IFNGR2: variants seen among roughly 807,000 people sequenced by gnomAD.
IFNGR2 encodes IFN-gamma receptor 2.
IFNGR2 carries 15 observed loss-of-function variants against 41.1 expected under a neutral mutation model. The ratio of observed to expected loss-of-function variants is 0.37; its 90% CI spans 0.24 to 0.56. The LOEUF is 0.56. IFNGR2 is among the 20% of genes least tolerant of loss of function. The probability of loss-of-function intolerance (pLI) is 0.81; values close to 1 mark genes in which losing one functional copy is unlikely to be tolerated. For missense variants in IFNGR2, 362 were observed against 415.7 expected (o/e 0.87, Z 1.12); for synonymous variants, 161 against 171.6 (o/e 0.94, Z 0.48).
chr21:33,436,722 A>G, intron 6 of IFNGR2, 106 bp from the exon 7 acceptor site: 2 of 952,474 alleles, frequency 2.1e-6, no homozygotes, highest in Non-Finnish European at 3.1e-6. Flanking sequence ...TCCATCTCAA[A>G]AAAAAAATAA....
At chr21:33,410,464 C>T (rs2083707606) in intron 1 of IFNGR2, among the ~76,000 whole-genome samples, 1 of 150,722 alleles carries the variant, frequency 6.6e-6, no homozygotes, top group Non-Finnish European at 1.5e-5. Flanking sequence ...TGCGGCCAGC[C>T]TACAACAATT....
chr21:33,403,420 G>T lies in IFNGR2; in HGVS notation c.-124G>T, dbSNP rs1487366591. On this transcript the variant is annotated 5_prime_UTR_variant, in exon 1 of 7. Coordinates refer to ENST00000290219, the MANE Select transcript of IFNGR2 (RefSeq NM_005534.4). ...CCACCGGGACGCCCCGCTGCTGCTCGGGAAGAGGCGGGCCCTGCGCGCCCT... is the reference window on the plus strand; with the variant it reads ...CCACCGGGACGCCCCGCTGCTGCTCTGGAAGAGGCGGGCCCTGCGCGCCCT... The T allele has an allele frequency of 1.2e-5, 5 of 420,900 alleles. No individual in the cohort carries two copies. The highest frequency in any genetic ancestry group is 9.6e-5 in the South Asian group (1 of 10,384). The allele number at this position is 420,900 out of a possible 1,614,324, so 26.1% of individuals were successfully genotyped here.
chr21:33,426,865 C>T lies in IFNGR2; in HGVS notation c.413-19C>T, dbSNP rs2083841451. On this transcript the variant is annotated intron_variant, in intron 3 of 6. Transcript: ENST00000290219. ...CATATGTGTATGTGTGTGGTTTTCT[C>T]TTTGTAATTCTTTTTCAGTGACTGT... is the stretch of plus-strand genomic sequence containing the variant. 6.2e-7 allele frequency: 1 copy of T among 1,609,894 alleles called. No homozygotes were observed. Among genetic ancestry groups the T allele is most frequent in the Non-Finnish European group, 8.5e-7 (1 of 1,177,148 alleles).
intron 6 of IFNGR2, among the ~76,000 whole-genome samples, chr21:33,435,356 C>T (rs375335692): frequency 1.2e-3 from 181 of 152,276 alleles, no homozygotes; most frequent in Middle Eastern, 3.4e-3. Context: ...CCCCCAGTCC[C>T]TCCTTCACTG....
chr21:33,418,142 C>T (rs1398071984), intron 2 of IFNGR2, among the ~76,000 whole-genome samples: 2 of 152,100 alleles, frequency 1.3e-5, no homozygotes, highest in South Asian at 2.1e-4. Context: ...CTGCAGCCTC[C>T]GCCTCGTGGG....
intron 6 of IFNGR2, 61 bp downstream of exon 6, chr21:33,432,932 C>T (rs896429967): frequency 3.6e-5 from 50 of 1,391,944 alleles, no homozygotes; most frequent in Middle Eastern, 4.7e-4. Context: ...GTTGCCCAGG[C>T]GGGAGTGTCA....
chr21:33,428,320 C>A (rs2083857861), intron 4 of IFNGR2, among the ~76,000 whole-genome samples: 1 of 151,828 alleles, frequency 6.6e-6, no homozygotes, highest in Non-Finnish European at 1.5e-5. Flanking sequence ...CTCCCCGGCT[C>A]AAGCAGTCCA....
intron 4 of IFNGR2, among the ~76,000 whole-genome samples, chr21:33,431,403 C>G (rs774669147): frequency 1.3e-5 from 2 of 152,060 alleles, no homozygotes; most frequent in Non-Finnish European, 2.9e-5. Context: ...AACCCTGTTT[C>G]TACTAAAAAT....
chr21:33,424,805 G>C (rs748033227), intron 3 of IFNGR2, among the ~76,000 whole-genome samples: 15 of 152,142 alleles, frequency 9.9e-5, no homozygotes, highest in Non-Finnish European at 7.4e-5. Flanking sequence ...GCAGTGGAGC[G>C]ATCTCAGTTC....
At chr21:33,419,838 C>T (rs1215765806) in intron 2 of IFNGR2, among the ~76,000 whole-genome samples, 4 of 152,124 alleles carry the variant, frequency 2.6e-5, no homozygotes, top group African/African-American at 9.7e-5. Context: ...GGCTGAGCCC[C>T]GGCAGTGGCA....
chr21:33,411,635 T>C, intron 1 of IFNGR2: 2 of 406,426 alleles, frequency 4.9e-6, no homozygotes, highest in Middle Eastern at 6.3e-4. Context: ...AGTGGCCTTA[T>C]ACCACCACAG....
In IFNGR2 at chr21:33,432,793, C is replaced by T; in HGVS notation, c.801C>T (p.Phe267=). The change falls in exon 6 of 7, where the codon TTC becomes TTT. Residue 267 remains phenylalanine (F), a synonymous_variant. Coordinates refer to ENST00000290219, the MANE Select transcript of IFNGR2 (RefSeq NM_005534.4). ...SLLSVLAGAC[F]FLVLKYRGLI... Reference sequence around the variant, plus strand: ...TGTCGGTGCTGGCAGGAGCCTGTTTCTTCCTGGTCCTGAAATATAGAGGCC... The same window carrying T: ...TGTCGGTGCTGGCAGGAGCCTGTTTTTTCCTGGTCCTGAAATATAGAGGCC... 1 of 1,613,870 alleles carries T rather than the reference C, an allele frequency of 6.2e-7. No homozygotes were observed. The highest frequency in any genetic ancestry group is 8.5e-7 in the Non-Finnish European group (1 of 1,179,844).
At chr21:33,411,356 T>G (rs2083714222) in intron 1 of IFNGR2, 11 of 449,152 alleles carry the variant, frequency 2.4e-5, no homozygotes, top group South Asian at 1.8e-4. Flanking sequence ...GGTGCTTCCT[T>G]TCTGAACTGA....
At chr21:33,403,363 G>T (rs1215991314), upstream of IFNGR2, 2 of 189,530 alleles carry the variant, frequency 1.1e-5, no homozygotes, top group East Asian at 1.7e-4. Context: ...CGGGGCGGGG[G>T]CGGGGGCGCG....
chr21:33,422,316 C>T (rs778359960), intron 3 of IFNGR2, among the ~76,000 whole-genome samples: 35 of 152,174 alleles, frequency 2.3e-4, no homozygotes, highest in Non-Finnish European at 4.6e-4. Context: ...ACGTAGTCAG[C>T]CATGCCAGAT....
intron 1 of IFNGR2, among the ~76,000 whole-genome samples, chr21:33,409,591 G>A (rs568928780): frequency 6.6e-6 from 1 of 152,158 alleles, no homozygotes; most frequent in East Asian, 1.9e-4. Context: ...GATCTTGAAG[G>A]ATTTTCAGCT....
chr21:33,434,777 A>G (rs185281675), intron 6 of IFNGR2, among the ~76,000 whole-genome samples: 2 of 152,268 alleles, frequency 1.3e-5, no homozygotes, highest in East Asian at 3.9e-4. Flanking sequence ...TCCCTGGTTA[A>G]TATTGTCACA....
intron 4 of IFNGR2, among the ~76,000 whole-genome samples, chr21:33,429,306 G>A (rs371962812): frequency 2.0e-5 from 3 of 151,348 alleles, no homozygotes; most frequent in African/African-American, 7.3e-5. Context: ...ACCCTAGATC[G>A]CTCAAAGGAC....
chr21:33,408,853 T>C (rs562620063), intron 1 of IFNGR2, among the ~76,000 whole-genome samples: 82 of 152,236 alleles, frequency 5.4e-4, no homozygotes, highest in Admixed American at 5.9e-4. Flanking sequence ...CAAACTGAGC[T>C]GGGTTTTGAA....
Sources: allele counts gnomAD v4.1 joint callset (sites outside exome capture counted in the v4.1 genomes callset), GRCh38; gene constraint gnomAD v4.1.1; transcripts MANE v1.5; gene names NCBI Gene and HGNC (gene_info 2026-07-23, HGNC 2026-07-21).